Variants in POFUT3 observed in about 807,000 individuals in gnomAD.
POFUT3 encodes protein O-fucosyltransferase 3.
the POFUT3 span, among the ~76,000 whole-genome samples, chr8:33,402,156 T>C: frequency 2.0e-5 from 3 of 152,256 alleles, no homozygotes; most frequent in Non-Finnish European, 2.9e-5. Context: ...ATATTGTCCA[T>C]GTGTCTGCCC....
At chr8:33,326,090 G>A in the POFUT3 span, among the ~76,000 whole-genome samples, 1 of 152,122 alleles carries the variant, frequency 6.6e-6, no homozygotes, top group East Asian at 1.9e-4. Flanking sequence ...GAAGAACTGG[G>A]ATGAGATACA....
chr8:33,369,822 T>C, the POFUT3 span, among the ~76,000 whole-genome samples: 6 of 152,290 alleles, frequency 3.9e-5, no homozygotes, highest in African/African-American at 1.4e-4. Flanking sequence ...CTAACAATGA[T>C]AATGACCCCA....
chr8:33,380,836 CA>C, the POFUT3 span, among the ~76,000 whole-genome samples: 363 of 124,598 alleles, frequency 2.9e-3, 1 homozygote, highest in South Asian at 6.4e-3. Flanking sequence ...GACCCTGTCT[CA>C]AAAAAAAAAA....
the POFUT3 span, among the ~76,000 whole-genome samples, chr8:33,433,823 C>G: frequency 6.6e-6 from 1 of 151,456 alleles, no homozygotes. Context: ...AAAAAATTAA[C>G]TAGGCATGGT....
At chr8:33,311,542 C>T in the POFUT3 span, among the ~76,000 whole-genome samples, 1 of 152,160 alleles carries the variant, frequency 6.6e-6, no homozygotes, top group African/African-American at 2.4e-5. Context: ...CTCTAGAGCG[C>T]CTTACCCTCA....
the POFUT3 span, chr8:33,453,243 G>A: frequency 1.9e-6 from 3 of 1,614,094 alleles, no homozygotes; most frequent in East Asian, 6.7e-5. Flanking sequence ...TTGGTCATGT[G>A]ATGATGGAGG....
chr8:33,325,548 T>C, the POFUT3 span, among the ~76,000 whole-genome samples: 1 of 152,196 alleles, frequency 6.6e-6, no homozygotes, highest in Non-Finnish European at 1.5e-5. Context: ...ATTGTATTTT[T>C]ACCTCAGTAA....
chr8:33,373,406 C>A, the POFUT3 span, among the ~76,000 whole-genome samples: 1 of 152,140 alleles, frequency 6.6e-6, no homozygotes, highest in East Asian at 1.9e-4. Context: ...TCAACTGTCC[C>A]CAGTACTAAG....
At chr8:33,372,579 A>T in the POFUT3 span, 1 of 1,612,072 alleles carries the variant, frequency 6.2e-7, no homozygotes, top group Non-Finnish European at 8.5e-7. Context: ...TTTTGAAATC[A>T]GTCCTTGAAT....
At chr8:33,310,063 A>G in the POFUT3 span, among the ~76,000 whole-genome samples, 7 of 152,320 alleles carry the variant, frequency 4.6e-5, no homozygotes, top group African/African-American at 1.7e-4. Flanking sequence ...GAAATGTAGC[A>G]TATTGTGACC....
At chr8:33,389,727 C>G in the POFUT3 span, 4 of 1,614,120 alleles carry the variant, frequency 2.5e-6, no homozygotes, top group Non-Finnish European at 3.4e-6. Flanking sequence ...TTCGGGGACT[C>G]TTCATGAAAA....
chr8:33,342,484 C>T, the POFUT3 span, among the ~76,000 whole-genome samples: 4 of 149,974 alleles, frequency 2.7e-5, no homozygotes, highest in East Asian at 7.8e-4. Context: ...AAAAAAAATC[C>T]AATTAGAATA....
chr8:33,417,249 C>T, the POFUT3 span, among the ~76,000 whole-genome samples: 1 of 152,146 alleles, frequency 6.6e-6, no homozygotes, highest in Admixed American at 6.5e-5. Context: ...CAGATGGGAC[C>T]GTCTAGTTGC....
chr8:33,343,955 G>A, the POFUT3 span, among the ~76,000 whole-genome samples: 5 of 152,086 alleles, frequency 3.3e-5, no homozygotes, highest in Non-Finnish European at 7.4e-5. Context: ...TTCCTTGTGG[G>A]GACCTCCAAA....
the POFUT3 span, among the ~76,000 whole-genome samples, chr8:33,400,131 A>G: frequency 1.4e-5 from 1 of 70,008 alleles, no homozygotes; most frequent in Middle Eastern, 8.1e-3. Flanking sequence ...TAAGTTCATT[A>G]AAAAAAAAAA....
chr8:33,389,341 T>C, the POFUT3 span: 9 of 1,614,064 alleles, frequency 5.6e-6, no homozygotes, highest in African/African-American at 1.2e-4. Flanking sequence ...TCTCAAAAGC[T>C]AGGATAAACT....
chr8:33,333,186 G>T, the POFUT3 span, among the ~76,000 whole-genome samples: 2 of 152,328 alleles, frequency 1.3e-5, no homozygotes, highest in South Asian at 4.1e-4. Context: ...AAGGCTGAAA[G>T]GCCTGAGGAA....
chr8:33,467,112 A>C, the POFUT3 span, among the ~76,000 whole-genome samples: 1 of 151,634 alleles, frequency 6.6e-6, no homozygotes, highest in African/African-American at 2.4e-5. Context: ...TCTCAAAAAA[A>C]ACACACAAAA....
the POFUT3 span, among the ~76,000 whole-genome samples, chr8:33,391,606 G>T: frequency 6.6e-6 from 1 of 152,176 alleles, no homozygotes; most frequent in Non-Finnish European, 1.5e-5. Context: ...GTCTAAGCTG[G>T]CTGAGAGGCC....
Sources: allele counts gnomAD v4.1 joint callset (sites outside exome capture counted in the v4.1 genomes callset), GRCh38; gene constraint gnomAD v4.1.1; transcripts MANE v1.5; gene names NCBI Gene and HGNC (gene_info 2026-07-23, HGNC 2026-07-21).